Variants in HS3ST3A1 observed in about 807,000 individuals in gnomAD.
HS3ST3A1 encodes heparan sulfate glucosamine 3-O-sulfotransferase 3A1.
A neutral mutation model predicts 25.7 loss-of-function variants in HS3ST3A1; 19 were observed. That is an observed-to-expected ratio of 0.74 (90% CI 0.52 to 1.08). HS3ST3A1 has a LOEUF of 1.08. Among genes scored for constraint, HS3ST3A1 ranks in the 50% least tolerant of loss-of-function variants. HS3ST3A1 has a pLI of 0.00. For missense variants in HS3ST3A1, 459 were observed against 594.3 expected, an observed-to-expected ratio of 0.77 and a Z score of 2.37; for synonymous variants, 226 against 278.6, an observed-to-expected ratio of 0.81 and a Z score of 1.88.
rs549040086 is a variant in HS3ST3A1, at chr17:13,594,783, G to C, written c.599+5748C>G. Among the ~76,000 whole-genome samples the C allele has an allele frequency of 2.0e-5, 3 of 151,386 alleles. No homozygotes were observed. In the South Asian group the frequency reaches 6.4e-4, roughly 32 times the overall value. ...TATCCTTGCTTGAAAAAAAGGCAAA[G>C]TGCAGCTCATCCTTACTAGACAGAT... On this transcript the variant is annotated intron_variant, in intron 1 of 1. Coordinates refer to ENST00000284110, the MANE Select transcript of HS3ST3A1 (RefSeq NM_006042.3).
chr17:13,586,918 CTT>C (rs1293836843), intron 1 of HS3ST3A1, among the ~76,000 whole-genome samples: 5 of 125,550 alleles, frequency 4.0e-5, no homozygotes, highest in African/African-American at 9.7e-5. Context: ...ATTTTGAAGA[CTT>C]AATATAAAAA....
In HS3ST3A1 at chr17:13,496,335, G is replaced by A; in HGVS notation, c.1083C>T (p.Pro361=). The A allele has an allele frequency of 3.2e-6, 5 of 1,547,896 alleles. No individual in the cohort carries two copies. Among genetic ancestry groups the A allele is most frequent in the Non-Finnish European group, 4.4e-6 (5 of 1,141,398 alleles). ...TGCCCTTGGTCTTGCCCAGGCAATGGGGCCGGCTGCTGCCCTCCGCCTTCT... is the reference window on the plus strand; with the variant it reads ...TGCCCTTGGTCTTGCCCAGGCAATGAGGCCGGCTGCTGCCCTCCGCCTTCT... ...CLKKAEGSSR[P]HCLGKTKGRT... is the part of the protein sequence containing the mutation. Residue 361 remains proline, a synonymous_variant, in exon 2 of 2, where the codon CCC becomes CCT. Transcript: ENST00000284110.
At chr17:13,509,450 C>T (rs1905790152) in intron 1 of HS3ST3A1, among the ~76,000 whole-genome samples, 2 of 152,054 alleles carry the variant, frequency 1.3e-5, no homozygotes, top group South Asian at 4.1e-4. Flanking sequence ...ATAGAAATGT[C>T]TTAAAGAATT....
intron 1 of HS3ST3A1, among the ~76,000 whole-genome samples, chr17:13,546,494 C>T (rs1454769158): frequency 2.0e-5 from 3 of 152,260 alleles, no homozygotes; most frequent in Middle Eastern, 3.4e-3. Context: ...TCTTGATCTC[C>T]GGACCTCGTG....
At chr17:13,582,141 G>C (rs1334356613) in intron 1 of HS3ST3A1, among the ~76,000 whole-genome samples, 2 of 152,026 alleles carry the variant, frequency 1.3e-5, no homozygotes, top group Non-Finnish European at 2.9e-5. Context: ...GTTATAAAAG[G>C]GGAAACAACT....
At chr17:13,502,101 C>A (rs1905496437) in intron 1 of HS3ST3A1, among the ~76,000 whole-genome samples, 1 of 152,112 alleles carries the variant, frequency 6.6e-6, no homozygotes, top group African/African-American at 2.4e-5. Context: ...TAGGGAATTC[C>A]ATTCTGGATC....
rs576948843 is a variant in HS3ST3A1 at position 13,601,103 on chromosome 17, G to A, written c.27C>T (p.Ala9=). 3 of 1,582,828 alleles carry A rather than the reference G, an allele frequency of 1.9e-6. No homozygotes were observed. The highest frequency in any genetic ancestry group is 2.7e-5 in the African/African-American group (2 of 73,422). Reference sequence around the variant, plus strand: ...ACAGCGGCTCGGCCGAGGTGGAGAGGGCACTGGCCGGGCCCGGAGGGGCCA... The same window carrying A: ...ACAGCGGCTCGGCCGAGGTGGAGAGAGCACTGGCCGGGCCCGGAGGGGCCA... MAPPGPAS[A]LSTSAEPLSR... The change falls in exon 1 of 2, where the codon GCC becomes GCT. Residue 9 remains alanine (A), a synonymous_variant. Coordinates refer to ENST00000284110, the MANE Select transcript of HS3ST3A1 (RefSeq NM_006042.3).
chr17:13,542,046 G>A (rs1013998054), intron 1 of HS3ST3A1, among the ~76,000 whole-genome samples: 2 of 152,272 alleles, frequency 1.3e-5, no homozygotes, highest in African/African-American at 2.4e-5. Flanking sequence ...TTAAATGAGG[G>A]GTCGGGCACA....
intron 1 of HS3ST3A1, among the ~76,000 whole-genome samples, chr17:13,599,378 C>G (rs767604445): frequency 1.3e-4 from 20 of 152,292 alleles, no homozygotes; most frequent in Non-Finnish European, 2.2e-4. Flanking sequence ...CAATTGGCCC[C>G]TCAAGTAAAT....
intron 1 of HS3ST3A1, among the ~76,000 whole-genome samples, chr17:13,580,899 AAC>A (rs1460284836): frequency 6.6e-6 from 1 of 151,950 alleles, no homozygotes; most frequent in African/African-American, 2.4e-5. Context: ...CTCAAAAACA[AAC>A]AAAAAAAAGA....
intron 1 of HS3ST3A1, among the ~76,000 whole-genome samples, chr17:13,504,808 G>T (rs1036903101): frequency 6.6e-6 from 1 of 152,108 alleles, no homozygotes; most frequent in Non-Finnish European, 1.5e-5. Context: ...GGAGTCAGGC[G>T]TCCTCTCCAA....
At chr17:13,566,890 A>G (rs1907689354) in intron 1 of HS3ST3A1, among the ~76,000 whole-genome samples, 1 of 152,270 alleles carries the variant, frequency 6.6e-6, no homozygotes, top group Non-Finnish European at 1.5e-5. Context: ...ATGAAGCAGC[A>G]GGTACTGACA....
chr17:13,535,172 T>C (rs1200935712), intron 1 of HS3ST3A1, among the ~76,000 whole-genome samples: 1 of 152,256 alleles, frequency 6.6e-6, no homozygotes, highest in Admixed American at 6.5e-5. Context: ...TTGTTTTATG[T>C]GTTTCTGTTT....
intron 1 of HS3ST3A1, among the ~76,000 whole-genome samples, chr17:13,509,557 C>A (rs1372466173): frequency 6.6e-6 from 1 of 151,878 alleles, no homozygotes; most frequent in Non-Finnish European, 1.5e-5. Flanking sequence ...TATTTACAAG[C>A]CCTTAGAAGT....
intron 1 of HS3ST3A1, among the ~76,000 whole-genome samples, chr17:13,570,210 C>A (rs543966385): frequency 2.7e-5 from 4 of 147,704 alleles, no homozygotes; most frequent in Non-Finnish European, 5.9e-5. Context: ...AGACGTAAAT[C>A]GTACTCAATG....
chr17:13,514,627 T>C (rs1482110808), intron 1 of HS3ST3A1, among the ~76,000 whole-genome samples: 1 of 152,226 alleles, frequency 6.6e-6, no homozygotes. Context: ...CCCATGCCTG[T>C]AATCCCAGCA....
intron 1 of HS3ST3A1, among the ~76,000 whole-genome samples, chr17:13,540,593 G>A (rs1906903512): frequency 6.6e-6 from 1 of 152,226 alleles, no homozygotes; most frequent in Non-Finnish European, 1.5e-5. Flanking sequence ...TTTCATCTCT[G>A]CATTTACGTT....
chr17:13,521,161 TC>T (rs1216932866), intron 1 of HS3ST3A1, among the ~76,000 whole-genome samples: 1 of 152,184 alleles, frequency 6.6e-6, no homozygotes, highest in African/African-American at 2.4e-5. Context: ...GCCGGGTTGG[TC>T]TACAGACTCC....
At position 13,494,293 on chromosome 17, in the gene HS3ST3A1, A is replaced by G. The variant is rs1438543583; in HGVS notation, c.*1904T>C. 6.6e-6 allele frequency among the ~76,000 whole-genome samples: 1 copy of G among 152,218 alleles called. No individual in the cohort carries two copies. The highest frequency in any genetic ancestry group is 1.5e-5 in the Non-Finnish European group (1 of 68,036). ...GAGAGCATAGACATGAAGGAAATCA[A>G]CTGAAAAAAGGTGACCTGGATTTGG... On this transcript the variant is annotated 3_prime_UTR_variant, in exon 2 of 2. Coordinates refer to ENST00000284110, the MANE Select transcript of HS3ST3A1 (RefSeq NM_006042.3).
Sources: allele counts gnomAD v4.1 joint callset (sites outside exome capture counted in the v4.1 genomes callset), GRCh38; gene constraint gnomAD v4.1.1; transcripts MANE v1.5; gene names NCBI Gene and HGNC (gene_info 2026-07-23, HGNC 2026-07-21).